Variants in HADH observed in about 807,000 individuals in gnomAD.
HADH encodes hydroxyacyl-CoA dehydrogenase, also known as hydroxyacyl-coenzyme A dehydrogenase, mitochondrial.
In HADH, 24 loss-of-function variants were observed where a neutral mutation model predicts 32.2. The ratio of observed to expected loss-of-function variants is 0.75; its 90% CI spans 0.54 to 1.05. HADH has a LOEUF of 1.05. HADH is among the 50% of genes least tolerant of loss of function. The probability of loss-of-function intolerance (pLI) is 0.00; values close to 1 mark genes in which losing one functional copy is unlikely to be tolerated. For synonymous variants in HADH, 139 were observed against 152.5 expected, an observed-to-expected ratio of 0.91 and a Z score of 0.65; for missense variants, 350 against 397.1, an observed-to-expected ratio of 0.88 and a Z score of 1.01.
intron 1 of HADH, among the ~76,000 whole-genome samples, chr4:107,999,494 C>G (rs1202386048): frequency 1.3e-5 from 2 of 152,232 alleles, no homozygotes; most frequent in Admixed American, 6.5e-5. Context: ...TCCTTACTAT[C>G]CTTTTCAAAC....
chr4:108,005,810 G>A (rs1354623846), intron 1 of HADH, among the ~76,000 whole-genome samples: 1 of 152,160 alleles, frequency 6.6e-6, no homozygotes, highest in African/African-American at 2.4e-5. Flanking sequence ...ATGGGCTCTG[G>A]TTTCAGTTGG....
intron 4 of HADH, among the ~76,000 whole-genome samples, chr4:108,022,892 T>C (rs1363639933): frequency 6.6e-6 from 1 of 152,070 alleles, no homozygotes. Flanking sequence ...AACCCAGGCT[T>C]GTCTCAACAA....
At chr4:108,025,875 G>A (rs1326979055) in intron 5 of HADH, 1 of 151,918 alleles carries the variant, frequency 6.6e-6, no homozygotes, top group Non-Finnish European at 1.5e-5. Flanking sequence ...GCAAGACCCT[G>A]CCAAGAGAAA....
intron 1 of HADH, among the ~76,000 whole-genome samples, chr4:107,991,417 T>C (rs899873003): frequency 2.6e-5 from 4 of 152,226 alleles, no homozygotes; most frequent in Non-Finnish European, 5.9e-5. Context: ...AACCTTTTAC[T>C]ATTAGGTATT....
intron 1 of HADH, among the ~76,000 whole-genome samples, chr4:107,991,935 C>CT (rs1376834414): frequency 6.6e-6 from 1 of 152,180 alleles, no homozygotes. Flanking sequence ...AGATTAGAAA[C>CT]TAAGTAGAAA....
chr4:108,022,165 A>G lies in HADH; in HGVS notation c.547-1309A>G, dbSNP rs926741794. On this transcript the variant is annotated intron_variant, in intron 4 of 7. Coordinates refer to ENST00000309522, the MANE Select transcript of HADH (RefSeq NM_005327.7). ...ACTGGCCTTTACATTTTACATATATATATGTGTGTGTGTGTGTGTGTGTAT... is the reference window on the plus strand; with the variant it reads ...ACTGGCCTTTACATTTTACATATATGTATGTGTGTGTGTGTGTGTGTGTAT... 3.6e-3 allele frequency among the ~76,000 whole-genome samples: 433 copies of G among 121,296 alleles called. 5 individuals are homozygous for G. Among genetic ancestry groups the G allele is most frequent in the African/African-American group, 0.011 (392 of 34,260 alleles). The allele number at this position is 121,296 out of a possible 152,430, so 79.6% of individuals were successfully genotyped here. A position where few individuals can be genotyped will look rare whatever the true frequency, so the allele number is the denominator to read the frequency against.
chr4:108,018,924 C>T (rs371179426), intron 3 of HADH, among the ~76,000 whole-genome samples: 1 of 152,140 alleles, frequency 6.6e-6, no homozygotes, highest in East Asian at 1.9e-4. Context: ...CTTATATATG[C>T]ATATGCCTAT....
At position 108,028,866 on chromosome 4, in the gene HADH, G is replaced by A. The variant is rs1205793430; in HGVS notation, c.709+1106G>A. On this transcript the variant is annotated intron_variant, in intron 6 of 7. Coordinates refer to ENST00000309522, the MANE Select transcript of HADH (RefSeq NM_005327.7). ...GCATTCTCCAATGCACCAAGTATCA[G>A]ATGGTAAGTTGAAAGCCCTCTTCTT... 4 of 398,306 alleles carry A rather than the reference G, an allele frequency of 1.0e-5. No homozygotes were observed. In the Admixed American group the frequency reaches 1.8e-4, roughly 18 times the overall value. The allele number at this position is 398,306 out of a possible 1,614,324, so 24.7% of individuals were successfully genotyped here. A position where few individuals can be genotyped will look rare whatever the true frequency, so the allele number is the denominator to read the frequency against.
chr4:108,008,199 G>T (rs922173973), intron 1 of HADH, among the ~76,000 whole-genome samples: 1 of 152,206 alleles, frequency 6.6e-6, no homozygotes. Context: ...GCAGCCTGTG[G>T]AATGTTTCTG....
chr4:108,032,292 A>G (rs758699415), intron 6 of HADH: 4 of 1,440,026 alleles, frequency 2.8e-6, no homozygotes, highest in Middle Eastern at 3.6e-4. Flanking sequence ...TCCAAGGGAA[A>G]AGCACATTGA....
At chr4:108,001,747 A>G (rs1735125367) in intron 1 of HADH, among the ~76,000 whole-genome samples, 1 of 152,250 alleles carries the variant, frequency 6.6e-6, no homozygotes, top group South Asian at 2.1e-4. Context: ...GTCTCCTCCC[A>G]GACAGGACAA....
chr4:108,003,628 C>T (rs921002122), intron 1 of HADH, among the ~76,000 whole-genome samples: 17 of 151,640 alleles, frequency 1.1e-4, no homozygotes, highest in African/African-American at 2.4e-4. Context: ...GATCCCAGCC[C>T]GTTTGTAAAA....
rs1251216983 is a variant in HADH, at chr4:108,034,878, G to A, written c.*521G>A. The A allele has an allele frequency of 4.1e-6, 1 of 241,058 alleles. No homozygotes were observed. The highest frequency in any genetic ancestry group is 8.2e-6 in the Non-Finnish European group (1 of 121,500). 14.9% of individuals were successfully genotyped at this position (241,058 alleles called of 1,614,324 possible). A position where few individuals can be genotyped will look rare whatever the true frequency, so the allele number is the denominator to read the frequency against. ...CTACATTTTGGGCATGACATAAGATGTGTCTTTATTCAGCTCGTCGTGAAG... is the reference window on the plus strand; with the variant it reads ...CTACATTTTGGGCATGACATAAGATATGTCTTTATTCAGCTCGTCGTGAAG... On this transcript the variant is annotated 3_prime_UTR_variant, in exon 8 of 8. Coordinates refer to ENST00000309522, the MANE Select transcript of HADH (RefSeq NM_005327.7).
chr4:108,019,951 G>A (rs1049583440), intron 4 of HADH, among the ~76,000 whole-genome samples: 1 of 152,210 alleles, frequency 6.6e-6, no homozygotes, highest in African/African-American at 2.4e-5. Flanking sequence ...GAATGGGAAG[G>A]CAGCACTAGA....
At chr4:108,025,929 A>G (rs776365087) in intron 5 of HADH, 1 of 152,222 alleles carries the variant, frequency 6.6e-6, no homozygotes, top group Admixed American at 6.5e-5. Flanking sequence ...TACTGATAGC[A>G]TCTGTCTCTC....
rs1736212092 is a variant in HADH, at chr4:108,030,153, TG to T, written c.709+2394del. 3 of 152,450 alleles carry T rather than the reference TG, an allele frequency of 2.0e-5. No individual in the cohort carries two copies. The South Asian group carries it at 6.2e-4, about 32-fold the overall frequency. 9.4% of individuals were successfully genotyped at this position (152,450 alleles called of 1,614,324 possible). A position where few individuals can be genotyped will look rare whatever the true frequency, so the allele number is the denominator to read the frequency against. ...CAGGCTCAGTGGTTCTCTGGTTTCC[TG>T]CCATCTACAAGCTCTGCCAGAGAGC... is the stretch of plus-strand genomic sequence containing the variant. On this transcript the variant is annotated intron_variant, in intron 6 of 7. Transcript: ENST00000309522.
Position 108,009,799 on chromosome 4 carries a change from A to C in HADH, c.173A>C (p.Gln58Pro), listed in dbSNP as rs1436737401. The change falls in exon 2 of 8, where the codon CAG becomes CCG. Residue 58 changes from glutamine (Q) to proline (P), a missense_variant. Gln to Pro is a moderately conservative substitution (Grantham distance 76). Transcript: ENST00000309522. The part of the protein sequence containing the change: ...ATGHTVVLVD[Q>P]TEDILAKSKK... ...GGTCACACAGTAGTGTTGGTAGACC[A>C]GACAGAGGACATCCTGGCAAAATCC... The C allele has an allele frequency of 4.3e-6, 7 of 1,611,804 alleles. No individual in the cohort carries two copies. The highest frequency in any genetic ancestry group is 5.9e-6 in the Non-Finnish European group (7 of 1,177,872).
chr4:107,997,574 G>A (rs1211761097), intron 1 of HADH, among the ~76,000 whole-genome samples: 1 of 152,096 alleles, frequency 6.6e-6, no homozygotes, highest in Non-Finnish European at 1.5e-5. Flanking sequence ...AAGCAGCCGT[G>A]TCTAAAAATA....
rs111951959 is a variant in HADH, at chr4:108,014,589, G to A, written c.419+1G>A. 6.2e-7 allele frequency: 1 copy of A among 1,607,514 alleles called. No homozygotes were observed. The highest frequency in any genetic ancestry group is 8.5e-7 in the Non-Finnish European group (1 of 1,174,374). ...AAAGGCTGGACAAGTTTGCTGCTGA[G>A]TATGTAACCTCTGGACAATCTTCTT... is the stretch of plus-strand genomic sequence containing the variant. On this transcript the variant is annotated splice_donor_variant, in intron 3 of 7. Coordinates refer to ENST00000309522, the MANE Select transcript of HADH (RefSeq NM_005327.7). LOFTEE classifies it high-confidence loss of function.
Sources: gnomAD v4.1 joint callset for allele counts (sites outside exome capture counted in the v4.1 genomes callset) on GRCh38, gnomAD v4.1.1 for gene constraint, MANE v1.5 for transcripts, NCBI Gene and HGNC (gene_info 2026-07-23, HGNC 2026-07-21) for gene names.